PHACTR1: variants seen among roughly 807,000 people sequenced by gnomAD.
PHACTR1 encodes phosphatase and actin regulator 1.
In PHACTR1, 16 loss-of-function variants were observed where a neutral mutation model predicts 69.2. The ratio of observed to expected loss-of-function variants is 0.23; its 90% CI spans 0.16 to 0.35. The LOEUF is 0.35. PHACTR1 is among the 10% of genes least tolerant of loss of function. The pLI, the probability that PHACTR1 is intolerant of heterozygous loss-of-function variation, is 1.00. For missense variants in PHACTR1, 510 were observed against 734.7 expected, an observed-to-expected ratio of 0.69 and a Z score of 3.54; for synonymous variants, 312 against 284.5, an observed-to-expected ratio of 1.10 and a Z score of -0.97.
chr6:13,165,588 C>T (rs766533318), intron 6 of PHACTR1, among the ~76,000 whole-genome samples: 19 of 151,996 alleles, frequency 1.3e-4, no homozygotes, highest in South Asian at 4.2e-4. Flanking sequence ...GAGTGATGAG[C>T]GCTCTGAAGA....
At chr6:13,159,177 C>T (rs1758623009) in intron 5 of PHACTR1, among the ~76,000 whole-genome samples, 1 of 152,194 alleles carries the variant, frequency 6.6e-6, no homozygotes, top group Non-Finnish European at 1.5e-5. Flanking sequence ...CCTTCCCAAG[C>T]ACTTGACCTA....
At chr6:12,756,488 T>C (rs1344301899) in intron 4 of PHACTR1, among the ~76,000 whole-genome samples, 4 of 152,160 alleles carry the variant, frequency 2.6e-5, no homozygotes, top group African/African-American at 4.8e-5. Flanking sequence ...AAAGACAAAA[T>C]CAATTTTATG....
intron 4 of PHACTR1, among the ~76,000 whole-genome samples, chr6:13,035,531 A>G (rs1803178307): frequency 6.6e-6 from 1 of 152,174 alleles, no homozygotes; most frequent in Admixed American, 6.5e-5. Context: ...CTAGGTAAAA[A>G]TAAAACTAGT....
chr6:12,969,835 C>G (rs368081947), intron 4 of PHACTR1, among the ~76,000 whole-genome samples: 2 of 151,996 alleles, frequency 1.3e-5, no homozygotes, highest in African/African-American at 4.8e-5. Flanking sequence ...TGGTGGCACG[C>G]GCCTATAATC....
chr6:12,992,324 G>A (rs1223462176), intron 4 of PHACTR1, among the ~76,000 whole-genome samples: 1 of 152,124 alleles, frequency 6.6e-6, no homozygotes, highest in Non-Finnish European at 1.5e-5. Context: ...TTCACTGCAC[G>A]GCATAACCAG....
At chr6:13,145,064 A>AT (rs1309399315) in intron 5 of PHACTR1, among the ~76,000 whole-genome samples, 1 of 152,232 alleles carries the variant, frequency 6.6e-6, no homozygotes, top group Non-Finnish European at 1.5e-5. Context: ...TTGGTTATCT[A>AT]TTTTTAAGAA....
chr6:13,262,224 G>C (rs796978049), intron 10 of PHACTR1, among the ~76,000 whole-genome samples: 1 of 152,192 alleles, frequency 6.6e-6, no homozygotes, highest in African/African-American at 2.4e-5. Context: ...GCCATCAAGA[G>C]TGAAGTTCAG....
chr6:13,090,133 C>T (rs1813002822), intron 5 of PHACTR1, among the ~76,000 whole-genome samples: 1 of 152,188 alleles, frequency 6.6e-6, no homozygotes, highest in Admixed American at 6.5e-5. Flanking sequence ...CGGCTCACTG[C>T]AACCTCCGCC....
intron 4 of PHACTR1, among the ~76,000 whole-genome samples, chr6:13,001,805 G>A (rs1326873109): frequency 6.6e-6 from 1 of 152,174 alleles, no homozygotes; most frequent in Non-Finnish European, 1.5e-5. Context: ...TTGAGTGATA[G>A]GTAGATTTTA....
At chr6:12,853,962 C>T (rs1436213734) in intron 4 of PHACTR1, among the ~76,000 whole-genome samples, 1 of 152,054 alleles carries the variant, frequency 6.6e-6, no homozygotes, top group African/African-American at 2.4e-5. Flanking sequence ...ATGTTTAGGG[C>T]CTGAATATTC....
intron 8 of PHACTR1, among the ~76,000 whole-genome samples, chr6:13,220,763 G>A (rs1768479452): frequency 6.6e-6 from 1 of 152,192 alleles, no homozygotes. Flanking sequence ...TAAGGGTCAG[G>A]GATCCTAATT....
chr6:13,067,257 A>C (rs1808792012), intron 5 of PHACTR1, among the ~76,000 whole-genome samples: 1 of 152,228 alleles, frequency 6.6e-6, no homozygotes. Flanking sequence ...CAGGTGAGGA[A>C]ACTGAAGCTT....
intron 4 of PHACTR1, among the ~76,000 whole-genome samples, chr6:12,872,643 G>A (rs1252403114): frequency 6.6e-6 from 1 of 152,156 alleles, no homozygotes. Flanking sequence ...AATCAATTGT[G>A]AGCCTGGTTC....
chr6:13,150,208 G>A (rs1824090201), intron 5 of PHACTR1, among the ~76,000 whole-genome samples: 1 of 152,112 alleles, frequency 6.6e-6, no homozygotes. Flanking sequence ...AGCCTGGTGT[G>A]GTACCGCATG....
intron 4 of PHACTR1, among the ~76,000 whole-genome samples, chr6:12,809,847 A>C (rs1011277641): frequency 1.8e-4 from 27 of 152,246 alleles, no homozygotes; most frequent in African/African-American, 6.3e-4. Flanking sequence ...TCTTTTTTGG[A>C]CAGCAAAATG....
In PHACTR1 at chr6:13,169,054, G is replaced by A. The variant is rs925263349; in HGVS notation, c.496+8770G>A. On this transcript the variant is annotated intron_variant, in intron 6 of 14. Coordinates refer to ENST00000332995, the MANE Select transcript of PHACTR1 (RefSeq NM_030948.6). ...TTGCTGGGATTCAGAGGATGTGATG[G>A]TGGGTAGTGGGGAAAAGGGTAGTAA... is the stretch of plus-strand genomic sequence containing the variant. Among the ~76,000 whole-genome samples the A allele has an allele frequency of 3.3e-5, 5 of 152,146 alleles. No homozygotes were observed. The South Asian group carries it at 6.2e-4, about 19-fold the overall frequency.
chr6:13,200,154 G>A (rs1383000527), intron 7 of PHACTR1, among the ~76,000 whole-genome samples: 3 of 152,298 alleles, frequency 2.0e-5, no homozygotes, highest in East Asian at 1.9e-4. Context: ...CATACACCAA[G>A]CGATTTAGCA....
intron 4 of PHACTR1, among the ~76,000 whole-genome samples, chr6:13,036,657 C>T (rs1341696044): frequency 1.3e-5 from 2 of 152,170 alleles, no homozygotes; most frequent in Non-Finnish European, 2.9e-5. Context: ...TCTAAGGAAA[C>T]GTGGTAGCCT....
At chr6:12,798,749 T>C (rs1306370516) in intron 4 of PHACTR1, among the ~76,000 whole-genome samples, 1 of 152,228 alleles carries the variant, frequency 6.6e-6, no homozygotes, top group African/African-American at 2.4e-5. Flanking sequence ...TTTCAGAGTA[T>C]AGCTTTCAAT....
Sources: gnomAD v4.1 joint callset for allele counts (sites outside exome capture counted in the v4.1 genomes callset) on GRCh38, gnomAD v4.1.1 for gene constraint, MANE v1.5 for transcripts, NCBI Gene and HGNC (gene_info 2026-07-23, HGNC 2026-07-21) for gene names.